EMCN: variants seen among roughly 807,000 people sequenced by gnomAD.
The protein encoded by EMCN is endomucin, also known as MUC-14.
EMCN carries 37 observed loss-of-function variants against 38.4 expected under a neutral mutation model. The ratio of observed to expected loss-of-function variants is 0.96; its 90% CI spans 0.74 to 1.27. The LOEUF (loss-of-function observed/expected upper bound fraction) is 1.27, where lower values mean the gene tolerates loss of function less well. EMCN is among the 50% of genes most tolerant of loss of function. The pLI, the probability that EMCN is intolerant of heterozygous loss-of-function variation, is 0.00. For synonymous variants in EMCN, 95 were observed against 100.8 expected (o/e 0.94, Z 0.35); for missense variants, 318 against 302.8 (o/e 1.05, Z -0.37).
rs576892512 is a variant in EMCN at position 100,511,745 on chromosome 4, A to C, written c.64+6106T>G. Among the ~76,000 whole-genome samples the C allele has an allele frequency of 1.2e-4, 18 of 152,288 alleles. 1 individual carries two copies. The highest frequency in any genetic ancestry group is 4.3e-4 in the African/African-American group (18 of 41,562). ...TTTACTTAGATATACACTACCATCTAAACTAAAATGTTCTCATCAAGAAAA... is the reference window on the plus strand; with the variant it reads ...TTTACTTAGATATACACTACCATCTCAACTAAAATGTTCTCATCAAGAAAA... On this transcript the variant is annotated intron_variant, in intron 1 of 11. Transcript: ENST00000296420.
At chr4:100,424,947 G>A (rs987531083) in intron 5 of EMCN, among the ~76,000 whole-genome samples, 2 of 151,966 alleles carry the variant, frequency 1.3e-5, no homozygotes, top group Non-Finnish European at 2.9e-5. Context: ...ATGTGTCTGG[G>A]TCAGAACAAA....
At chr4:100,465,047 T>C (rs1275918213) in intron 4 of EMCN, among the ~76,000 whole-genome samples, 1 of 152,144 alleles carries the variant, frequency 6.6e-6, no homozygotes, top group African/African-American at 2.4e-5. Flanking sequence ...TTCAATTTCT[T>C]TAATCATTAT....
intron 5 of EMCN, among the ~76,000 whole-genome samples, chr4:100,434,382 GCAAAAAAAAAAAAAA>G (rs1560613163): frequency 0.03 from 70 of 2,308 alleles, no homozygotes; most frequent in African/African-American, 0.063. Context: ...AGCCTACCAA[GCAAAAAAAAAAAAAA>G]AAAAAAGCCT....
chr4:100,490,882 T>C (rs1374494804), intron 1 of EMCN, among the ~76,000 whole-genome samples: 3 of 152,314 alleles, frequency 2.0e-5, no homozygotes, highest in South Asian at 2.1e-4. Flanking sequence ...TGGTATCTCA[T>C]TGTGATTTTA....
At chr4:100,422,898 TG>T in intron 7 of EMCN, 122 bp downstream of exon 7, 1 of 857,264 alleles carries the variant, frequency 1.2e-6, no homozygotes, top group Non-Finnish European at 1.9e-6. Context: ...GGGATTGTAA[TG>T]GGATTGCAGG....
intron 5 of EMCN, among the ~76,000 whole-genome samples, chr4:100,431,464 C>T (rs1435192277): frequency 2.6e-5 from 4 of 152,216 alleles, no homozygotes; most frequent in African/African-American, 4.8e-5. Flanking sequence ...CCAGTTGAAA[C>T]CCTGGGTAGA....
chr4:100,438,721 T>C (rs1046218618), intron 5 of EMCN, among the ~76,000 whole-genome samples: 1 of 152,060 alleles, frequency 6.6e-6, no homozygotes, highest in Non-Finnish European at 1.5e-5. Context: ...TGTGGGTTTT[T>C]CATAAATGTT....
intron 4 of EMCN, among the ~76,000 whole-genome samples, chr4:100,452,051 A>G (rs1727852615): frequency 6.6e-6 from 1 of 151,988 alleles, no homozygotes; most frequent in African/African-American, 2.4e-5. Context: ...ACTATTCATA[A>G]CCAATAAGCT....
chr4:100,440,411 C>T (rs948994101), intron 5 of EMCN, among the ~76,000 whole-genome samples: 1 of 152,000 alleles, frequency 6.6e-6, no homozygotes, highest in African/African-American at 2.4e-5. Flanking sequence ...CCTTCTGAGC[C>T]TCTAAAGTTT....
At chr4:100,439,434 A>G (rs1170334845) in intron 5 of EMCN, among the ~76,000 whole-genome samples, 1 of 150,436 alleles carries the variant, frequency 6.6e-6, no homozygotes, top group African/African-American at 2.4e-5. Context: ...GTTGGCATAT[A>G]TTTTTTCGTA....
intron 3 of EMCN, among the ~76,000 whole-genome samples, chr4:100,471,807 A>T (rs1328556338): frequency 6.6e-6 from 1 of 152,070 alleles, no homozygotes; most frequent in Non-Finnish European, 1.5e-5. Flanking sequence ...TGCCACATTA[A>T]CAAAATAAGG....
At chr4:100,486,134 A>G (rs1408447938) in intron 1 of EMCN, among the ~76,000 whole-genome samples, 1 of 152,156 alleles carries the variant, frequency 6.6e-6, no homozygotes, top group Admixed American at 6.6e-5. Flanking sequence ...TTAGTACTAT[A>G]CATAGCTGGT....
At chr4:100,480,671 G>A (rs1728783365) in intron 1 of EMCN, among the ~76,000 whole-genome samples, 1 of 151,568 alleles carries the variant, frequency 6.6e-6, no homozygotes, top group Non-Finnish European at 1.5e-5. Flanking sequence ...AAAAGTAATA[G>A]GGCCACCATA....
In EMCN at chr4:100,508,939, C is replaced by T. The variant is rs147080792; in HGVS notation, c.64+8912G>A. 3.3e-3 allele frequency among the ~76,000 whole-genome samples: 510 copies of T among 152,288 alleles called. 1 individual carries two copies. Among genetic ancestry groups the T allele is most frequent in the African/African-American group, 0.012 (491 of 41,546 alleles). ...CCAACCAAACGAGTATTCCAAAATA[C>T]ACTTACTGCTTCCGCTCTACAGAGG... On this transcript the variant is annotated intron_variant, in intron 1 of 11. Coordinates refer to ENST00000296420, the MANE Select transcript of EMCN (RefSeq NM_016242.4).
chr4:100,440,083 A>C (rs983066335), intron 5 of EMCN, among the ~76,000 whole-genome samples: 2 of 152,148 alleles, frequency 1.3e-5, no homozygotes, highest in Non-Finnish European at 2.9e-5. Flanking sequence ...GAACTAAAGA[A>C]AAATGTGGCA....
intron 1 of EMCN, among the ~76,000 whole-genome samples, chr4:100,505,906 A>G (rs1318851887): frequency 2.0e-5 from 3 of 152,194 alleles, no homozygotes; most frequent in Non-Finnish European, 4.4e-5. Context: ...TCTAATTGAT[A>G]CACTCTGAAA....
chr4:100,450,791 G>A (rs1186690578), intron 4 of EMCN, among the ~76,000 whole-genome samples: 4 of 151,850 alleles, frequency 2.6e-5, no homozygotes, highest in Non-Finnish European at 4.4e-5. Flanking sequence ...TAGACAAATG[G>A]TGCAATTCAC....
At chr4:100,428,847 C>T (rs775502990) in intron 5 of EMCN, among the ~76,000 whole-genome samples, 5 of 152,082 alleles carry the variant, frequency 3.3e-5, no homozygotes, top group Middle Eastern at 3.2e-3. Context: ...GTAGCTGTTG[C>T]GTTTACGGAG....
intron 1 of EMCN, among the ~76,000 whole-genome samples, chr4:100,493,528 T>G (rs1177252335): frequency 2.0e-5 from 3 of 152,204 alleles, no homozygotes; most frequent in African/African-American, 7.2e-5. Context: ...GAATCCATAT[T>G]CACACTAAAT....
Sources: allele counts gnomAD v4.1 joint callset (sites outside exome capture counted in the v4.1 genomes callset), GRCh38; gene constraint gnomAD v4.1.1; transcripts MANE v1.5; gene names NCBI Gene and HGNC (gene_info 2026-07-23, HGNC 2026-07-21).